Variants in ARHGEF10L observed in about 807,000 individuals in gnomAD.
The protein encoded by ARHGEF10L is Rho guanine nucleotide exchange factor 10 like.
ARHGEF10L carries 69 observed loss-of-function variants against 141.2 expected under a neutral mutation model. That is an observed-to-expected ratio of 0.49 (90% CI 0.40 to 0.60). The LOEUF is 0.60. Among genes scored for constraint, ARHGEF10L ranks in the 20% least tolerant of loss-of-function variants. The pLI is 0.00. For missense variants in ARHGEF10L, 1,482 were observed against 1,734.3 expected (o/e 0.85, Z 2.58); for synonymous variants, 711 against 718.5 (o/e 0.99, Z 0.17).
intron 1 of ARHGEF10L, among the ~76,000 whole-genome samples, chr1:17,555,443 A>G (rs2077269906): frequency 6.6e-6 from 1 of 151,702 alleles, no homozygotes. Context: ...GCTCATTGCA[A>G]CCTCTGCCTC....
At chr1:17,598,400 C>A (rs1276831547) in intron 4 of ARHGEF10L, among the ~76,000 whole-genome samples, 1 of 152,148 alleles carries the variant, frequency 6.6e-6, no homozygotes, top group African/African-American at 2.4e-5. Flanking sequence ...CCACACTGTG[C>A]CTAAGAGACT....
intron 9 of ARHGEF10L, chr1:17,618,668 C>T: frequency 1.7e-6 from 1 of 599,816 alleles, no homozygotes. Context: ...CTGGGATCCC[C>T]TCTCCCGGCA....
chr1:17,625,869 G>C lies in ARHGEF10L; in HGVS notation c.1318-87G>C. On this transcript the variant is annotated intron_variant, in intron 13 of 28. Coordinates refer to ENST00000361221, the MANE Select transcript of ARHGEF10L (RefSeq NM_018125.4). This position sits in a 1 kb window ranked among gnomAD's most constrained non-coding sequence, Gnocchi z 4.5. ...AGGGTCTTAGGGCCTGGGGAGAGGA[G>C]CCCAGAATGGGGACAGTGTCTGGAC... 8.4e-7 allele frequency: 1 copy of C among 1,183,804 alleles called. No individual in the cohort carries two copies. Among genetic ancestry groups the C allele is most frequent in the Non-Finnish European group, 1.2e-6 (1 of 806,320 alleles). 73.3% of individuals were successfully genotyped at this position (1,183,804 alleles called of 1,614,324 possible). A position where few individuals can be genotyped will look rare whatever the true frequency, so the allele number is the denominator to read the frequency against.
intron 1 of ARHGEF10L, among the ~76,000 whole-genome samples, chr1:17,548,218 A>G (rs1453933285): frequency 6.6e-6 from 1 of 152,186 alleles, no homozygotes. Context: ...AACTGACAAA[A>G]GACAGATTAA....
Position 17,539,843 on chromosome 1 carries a change from C to A in ARHGEF10L, c.-151C>A. On this transcript the variant is annotated 5_prime_UTR_variant, in exon 1 of 29. Transcript: ENST00000361221. This position sits in a 1 kb window ranked among gnomAD's most constrained non-coding sequence, Gnocchi z 6.0. ...CGGCTGCGGCGGTGGGGGCGCCGTC[C>A]CGGCCATGGGCGCCCGCGGCGGCCT... 6.8e-6 allele frequency: 1 copy of A among 147,684 alleles called. No homozygotes were observed. The highest frequency in any genetic ancestry group is 1.9e-4 in the South Asian group (1 of 5,288). 9.1% of individuals were successfully genotyped at this position (147,684 alleles called of 1,614,324 possible). A position where few individuals can be genotyped will look rare whatever the true frequency, so the allele number is the denominator to read the frequency against.
In ARHGEF10L at chr1:17,683,570, T is replaced by G. The variant is rs1370400194; in HGVS notation, c.3010-4003T>G. Among the ~76,000 whole-genome samples the G allele has an allele frequency of 6.6e-5, 10 of 152,242 alleles. No individual in the cohort carries two copies. In the East Asian group the frequency reaches 1.9e-3, roughly 29 times the overall value. ...AGGCTCAGGCAGGACTCCAGGCTCG[T>G]GGTGTGAGAAGGGGACCCAGGAGCC... On this transcript the variant is annotated intron_variant, in intron 26 of 28. Transcript: ENST00000361221.
In ARHGEF10L at chr1:17,623,304, G is replaced by A. The variant is rs1174542210; in HGVS notation, c.1200+129G>A. On this transcript the variant is annotated intron_variant, in intron 12 of 28. Coordinates refer to ENST00000361221, the MANE Select transcript of ARHGEF10L (RefSeq NM_018125.4). This position sits in a 1 kb window ranked among gnomAD's most constrained non-coding sequence, Gnocchi z 4.7. The stretch of plus-strand genomic sequence containing the variant: ...GTTCAAGTCAGTGGGATTAGAGGGT[G>A]GCAGGGTCTTCTGGGCCTGATCTAG... 1.7e-6 allele frequency: 2 copies of A among 1,157,064 alleles called. No homozygotes were observed. Among genetic ancestry groups the A allele is most frequent in the Non-Finnish European group, 2.4e-6 (2 of 825,554 alleles). The allele number at this position is 1,157,064 out of a possible 1,614,324, so 71.7% of individuals were successfully genotyped here.
intron 27 of ARHGEF10L, chr1:17,693,922 C>T (rs1447551468): frequency 1.3e-5 from 2 of 152,232 alleles, no homozygotes; most frequent in Middle Eastern, 3.2e-3. Flanking sequence ...GCAGCGCCGT[C>T]CACCCTGTGT....
intron 26 of ARHGEF10L, among the ~76,000 whole-genome samples, chr1:17,672,033 G>A (rs958082684): frequency 6.6e-6 from 1 of 152,130 alleles, no homozygotes; most frequent in African/African-American, 2.4e-5. Flanking sequence ...TTCCTGAAGC[G>A]CGTGCGGTCA....
Position 17,603,027 on chromosome 1 carries a change from T to C in ARHGEF10L, c.350-481T>C, listed in dbSNP as rs1397333031. ...TAGGGGCCCAGGACCTAGGGAAGCA[T>C]CACAGGCCAGTGGGTCTCGTGACTT... On this transcript the variant is annotated intron_variant, in intron 5 of 28. Coordinates refer to ENST00000361221, the MANE Select transcript of ARHGEF10L (RefSeq NM_018125.4). The surrounding 1 kb of genome is among the most constrained non-coding windows in gnomAD (Gnocchi z 4.8). 6.6e-6 allele frequency among the ~76,000 whole-genome samples: 1 copy of C among 151,176 alleles called. No individual in the cohort carries two copies. Among genetic ancestry groups the C allele is most frequent in the Admixed American group, 6.6e-5 (1 of 15,182 alleles).
At chr1:17,574,151 C>T (rs2100402761) in intron 1 of ARHGEF10L, among the ~76,000 whole-genome samples, 1 of 152,274 alleles carries the variant, frequency 6.6e-6, no homozygotes, top group East Asian at 1.9e-4. Context: ...CCCCTTCCAC[C>T]CTGGGCCTGG....
upstream of ARHGEF10L, among the ~76,000 whole-genome samples, chr1:17,535,418 C>A (rs2076560810): frequency 6.6e-6 from 1 of 152,220 alleles, no homozygotes; most frequent in African/African-American, 2.4e-5. Context: ...GATCCATGGC[C>A]TGAGGGTTGG....
chr1:17,556,955 G>A (rs191451043), intron 1 of ARHGEF10L, among the ~76,000 whole-genome samples: 66 of 151,308 alleles, frequency 4.4e-4, no homozygotes, highest in Middle Eastern at 3.4e-3. Context: ...CCAGGAGTAA[G>A]AGGTGCAATA....
Position 17,644,204 on chromosome 1 carries a change from C to T in ARHGEF10L, c.2272+3902C>T, listed in dbSNP as rs1238859532. ...GCCTGAGCGCAGGGCTGGGCCCTCC[C>T]TTGCTGCCTCTCATTTGGTTTAGTT... On this transcript the variant is annotated intron_variant, in intron 21 of 28. Coordinates refer to ENST00000361221, the MANE Select transcript of ARHGEF10L (RefSeq NM_018125.4). The surrounding 1 kb of genome is among the most constrained non-coding windows in gnomAD (Gnocchi z 4.5). Among the ~76,000 whole-genome samples, 1 of 152,084 alleles carries T rather than the reference C, an allele frequency of 6.6e-6. No homozygotes were observed. Among genetic ancestry groups the T allele is most frequent in the Non-Finnish European group, 1.5e-5 (1 of 67,992 alleles).
At chr1:17,550,743 A>G (rs2077082827) in intron 1 of ARHGEF10L, among the ~76,000 whole-genome samples, 1 of 151,948 alleles carries the variant, frequency 6.6e-6, no homozygotes, top group Non-Finnish European at 1.5e-5. Flanking sequence ...TTAACATATA[A>G]AGGGGACAGG....
chr1:17,616,634 G>A (rs2059822959), intron 9 of ARHGEF10L, among the ~76,000 whole-genome samples: 1 of 152,258 alleles, frequency 6.6e-6, no homozygotes, highest in Non-Finnish European at 1.5e-5. Context: ...CACGATGCAT[G>A]TATCAGCAGT....
At position 17,603,467 on chromosome 1, in the gene ARHGEF10L, A is replaced by G. The variant is rs762844735; in HGVS notation, c.350-41A>G. ...CTGCAGCACCTCTGGCCAGGCTGCC[A>G]CAGCCCACGGTGGTGCTCTCTCTCC... On this transcript the variant is annotated intron_variant, in intron 5 of 28. Coordinates refer to ENST00000361221, the MANE Select transcript of ARHGEF10L (RefSeq NM_018125.4). The surrounding 1 kb of genome is among the most constrained non-coding windows in gnomAD (Gnocchi z 4.8). The G allele has an allele frequency of 1.3e-6, 2 of 1,578,744 alleles. No individual in the cohort carries two copies. Among genetic ancestry groups the G allele is most frequent in the South Asian group, 2.3e-5 (2 of 87,658 alleles).
chr1:17,618,880 G>C (rs2059953400), intron 9 of ARHGEF10L, among the ~76,000 whole-genome samples: 1 of 152,108 alleles, frequency 6.6e-6, no homozygotes. Context: ...ATTTCAAAAG[G>C]AAAGTGCCAA....
chr1:17,655,973 C>T lies in ARHGEF10L; in HGVS notation c.2576C>T (p.Ala859Val). The T allele has an allele frequency of 1.9e-6, 3 of 1,565,380 alleles. No individual in the cohort carries two copies. Among genetic ancestry groups the T allele is most frequent in the Non-Finnish European group, 1.7e-6 (2 of 1,154,216 alleles). The change falls in exon 24 of 29, where the codon GCC becomes GTC. Residue 859 changes from alanine to valine, a missense_variant. Ala to Val is a moderately conservative substitution (Grantham distance 64, BLOSUM62 0). Coordinates refer to ENST00000361221, the MANE Select transcript of ARHGEF10L (RefSeq NM_018125.4). ...PRTVKSFPLA[A>V]PVLCMEYIPE... ...ACCGTCAAGTCCTTCCCACTGGCAG[C>T]CCCTGTGCTCTGCATGGAGTATATC... is the stretch of plus-strand genomic sequence containing the variant.
Sources: allele counts gnomAD v4.1 joint callset (sites outside exome capture counted in the v4.1 genomes callset), GRCh38; gene constraint gnomAD v4.1.1; non-coding constraint Gnocchi (gnomAD v3.1); transcripts MANE v1.5; gene names NCBI Gene and HGNC (gene_info 2026-07-23, HGNC 2026-07-21).